FZR1: variants seen among roughly 807,000 people sequenced by gnomAD.
FZR1 encodes fizzy-related protein homolog.
FZR1 carries 11 observed loss-of-function variants against 63.6 expected under a neutral mutation model. The observed-to-expected ratio is 0.17, with a 90% CI of 0.11 to 0.29. FZR1 has a LOEUF of 0.29. Among genes scored for constraint, FZR1 ranks in the 10% least tolerant of loss-of-function variants. The pLI, the probability that FZR1 is intolerant of heterozygous loss-of-function variation, is 1.00. For missense variants in FZR1, 440 were observed against 687.5 expected (o/e 0.64, Z 4.03); for synonymous variants, 328 against 297.9 (o/e 1.10, Z -1.04).
rs958217742 is a variant in FZR1, at chr19:3,534,932, C to A, written c.*96C>A. 17 of 1,022,504 alleles carry A rather than the reference C, an allele frequency of 1.7e-5. No homozygotes were observed. The highest frequency in any genetic ancestry group is 2.4e-5 in the East Asian group (1 of 41,390). 63.3% of individuals were successfully genotyped at this position (1,022,504 alleles called of 1,614,324 possible). ...ACTCTGCCTTCCCAGCGCTTGTCCCCCGAGGAAGGCGGCTGGGCGGGCGGG... is the reference window on the plus strand; with the variant it reads ...ACTCTGCCTTCCCAGCGCTTGTCCCACGAGGAAGGCGGCTGGGCGGGCGGG... On this transcript the variant is annotated 3_prime_UTR_variant, in exon 14 of 14. Coordinates refer to ENST00000441788, the MANE Select transcript of FZR1 (RefSeq NM_016263.4).
intron 13 of FZR1, 126 bp downstream of exon 13, chr19:3,534,639 A>G: frequency 1.1e-6 from 1 of 904,702 alleles, no homozygotes; most frequent in Non-Finnish European, 1.8e-6. Context: ...CCTCACCTCA[A>G]ATTCTGGGTC....
At chr19:3,523,570 GC>G (rs1289157236) in intron 2 of FZR1, among the ~76,000 whole-genome samples, 2 of 152,372 alleles carry the variant, frequency 1.3e-5, no homozygotes, top group East Asian at 3.9e-4. Context: ...CCCGACTCCT[GC>G]GGGGGGCTGA....
chr19:3,531,866 C>G, intron 9 of FZR1, 45 bp from the exon 10 acceptor site: 1 of 1,556,270 alleles, frequency 6.4e-7, no homozygotes. Context: ...GCCCCAGCTC[C>G]GCGAGGGCAG....
rs1216200157 is a variant in FZR1 at position 3,515,804 on chromosome 19, G to T, written c.-34-7152G>T. On this transcript the variant is annotated intron_variant, in intron 1 of 13. Coordinates refer to ENST00000441788, the MANE Select transcript of FZR1 (RefSeq NM_016263.4). This position sits in a 1 kb window ranked among gnomAD's most constrained non-coding sequence, Gnocchi z 4.6. ...AAAAGGAATTCAAGAAGTACAAAAC[G>T]AGGTGCCAGGAGAAATAAGGCTTCT... Among the ~76,000 whole-genome samples the T allele has an allele frequency of 6.7e-6, 1 of 149,934 alleles. No homozygotes were observed. Among genetic ancestry groups the T allele is most frequent in the African/African-American group, 2.5e-5 (1 of 40,810 alleles).
At chr19:3,529,219 T>TGAGCGGATGGGA (rs1360627835) in intron 7 of FZR1, among the ~76,000 whole-genome samples, 1 of 110,116 alleles carries the variant, frequency 9.1e-6, no homozygotes, top group Non-Finnish European at 1.8e-5. Flanking sequence ...AGTGGATGGT[T>TGAGCGGATGGGA]GAGCGGATGG....
chr19:3,512,197 TC>T (rs1568229097), intron 1 of FZR1, among the ~76,000 whole-genome samples: 1 of 152,164 alleles, frequency 6.6e-6, no homozygotes, highest in African/African-American at 2.4e-5. Context: ...CAGGGAGCAG[TC>T]TGGGGACCTG....
intron 6 of FZR1, 99 bp downstream of exon 6, chr19:3,527,161 C>T: frequency 1.0e-6 from 1 of 968,056 alleles, no homozygotes; most frequent in Non-Finnish European, 1.7e-6. Context: ...CCCTGCGGGT[C>T]CTGGTGGGCG....
chr19:3,517,394 A>C lies in FZR1; in HGVS notation c.-34-5562A>C, dbSNP rs534321357. On this transcript the variant is annotated intron_variant, in intron 1 of 13. Coordinates refer to ENST00000441788, the MANE Select transcript of FZR1 (RefSeq NM_016263.4). Reference sequence around the variant, plus strand: ...GACAGAGTGAGACCCGGTCTCAAAAATAAAAATCCTGGCTGGGCGCTGTGG... The same window carrying C: ...GACAGAGTGAGACCCGGTCTCAAAACTAAAAATCCTGGCTGGGCGCTGTGG... Among the ~76,000 whole-genome samples the C allele has an allele frequency of 2.1e-4, 31 of 147,598 alleles. 1 individual carries two copies. In the South Asian group the frequency reaches 6.7e-3, roughly 32 times the overall value.
Position 3,528,700 on chromosome 19 carries a change from T to A in FZR1, c.654+886T>A, listed in dbSNP as rs1486508541. Among the ~76,000 whole-genome samples, 6 of 102,168 alleles carry A rather than the reference T, an allele frequency of 5.9e-5. 1 individual carries two copies. The highest frequency in any genetic ancestry group is 1.2e-4 in the Non-Finnish European group (6 of 48,790). The allele number at this position is 102,168 out of a possible 152,430, so 67.0% of individuals were successfully genotyped here. Reference sequence around the variant, plus strand: ...GTGGATGGGTGAGCGGATGAGAGAGTGGATGGGTGAGCAGATTAGGGAGTG... The same window carrying A: ...GTGGATGGGTGAGCGGATGAGAGAGAGGATGGGTGAGCAGATTAGGGAGTG... On this transcript the variant is annotated intron_variant, in intron 7 of 13. Transcript: ENST00000441788.
In FZR1 at chr19:3,533,399, G is replaced by A; in HGVS notation, c.1347+1G>A. The stretch of plus-strand genomic sequence containing the variant: ...GCACTCCTACCGCGTGCTGTACCTG[G>A]TGAGTTCACGCCAGGCACTTCAAGG... On this transcript the variant is annotated splice_donor_variant, in intron 12 of 13. Coordinates refer to ENST00000441788, the MANE Select transcript of FZR1 (RefSeq NM_016263.4). LOFTEE classifies it high-confidence loss of function. This position sits in a 1 kb window ranked among gnomAD's most constrained non-coding sequence, Gnocchi z 4.9. 6.3e-7 allele frequency: 1 copy of A among 1,592,712 alleles called. No individual in the cohort carries two copies. Among genetic ancestry groups the A allele is most frequent in the Non-Finnish European group, 8.6e-7 (1 of 1,161,452 alleles).
chr19:3,513,000 A>AG (rs1395382463), intron 1 of FZR1, among the ~76,000 whole-genome samples: 11 of 152,202 alleles, frequency 7.2e-5, no homozygotes, highest in African/African-American at 2.6e-4. Context: ...AGCCCCGCAG[A>AG]GGATGGCTGG....
Position 3,525,884 on chromosome 19 carries a change from G to C in FZR1, c.86G>C (p.Arg29Pro), listed in dbSNP as rs202131921. 23 of 1,611,822 alleles carry C rather than the reference G, an allele frequency of 1.4e-5. No homozygotes were observed. The South Asian group carries it at 2.5e-4, about 18-fold the overall frequency. ...NTMPRVTEMR[R>P]TLTPASSPVS... ...GCCCTTCAGGTCACAGAGATGCGGC[G>C]GACCCTGACGCCTGCCAGCTCCCCA... The change falls in exon 3 of 14, where the codon CGG (arginine) becomes CCG (proline). Residue 29 changes from arginine to proline, a missense_variant. By Grantham distance (103) the Arg-to-Pro change is moderately radical. Around this residue, in one of 5 missense-constraint regions of FZR1, gnomAD observed 200 missense variants for 245.1 expected, o/e 0.82. Coordinates refer to ENST00000441788, the MANE Select transcript of FZR1 (RefSeq NM_016263.4). This position sits in a 1 kb window ranked among gnomAD's most constrained non-coding sequence, Gnocchi z 4.2.
rs532089668 is a variant in FZR1, at chr19:3,526,643, AATGCTACCTGGGGTCCCGAACAC to A, written c.387+258_387+280del. Among the ~76,000 whole-genome samples the A allele has an allele frequency of 2.9e-3, 442 of 152,288 alleles. 2 individuals carry two copies. Among genetic ancestry groups the A allele is most frequent in the African/African-American group, 0.01 (420 of 41,562 alleles). ...CTGTTGGGCTTTTTCTCCCCACACC[AATGCTACCTGGGGTCCCGAACAC>A]CCAAGCCGGTGGGGGTCCTGCCCGT... On this transcript the variant is annotated intron_variant, in intron 5 of 13. Coordinates refer to ENST00000441788, the MANE Select transcript of FZR1 (RefSeq NM_016263.4). This position sits in a 1 kb window ranked among gnomAD's most constrained non-coding sequence, Gnocchi z 5.4.
chr19:3,521,283 A>G (rs1433165962), intron 1 of FZR1: 1 of 152,202 alleles, frequency 6.6e-6, no homozygotes, highest in African/African-American at 2.4e-5. Flanking sequence ...ATCACTTAAC[A>G]TTAGTAGCAG....
At chr19:3,518,308 G>C (rs1259381120) in intron 1 of FZR1, among the ~76,000 whole-genome samples, 1 of 152,068 alleles carries the variant, frequency 6.6e-6, no homozygotes, top group Non-Finnish European at 1.5e-5. Flanking sequence ...GTAGAAACGG[G>C]GTCTCGCCAT....
chr19:3,520,096 G>T (rs2083088405), intron 1 of FZR1, among the ~76,000 whole-genome samples: 1 of 152,204 alleles, frequency 6.6e-6, no homozygotes, highest in Non-Finnish European at 1.5e-5. Flanking sequence ...TCGGGAAATT[G>T]TCCCCCAGAG....
In FZR1 at chr19:3,537,776, C is replaced by CT. The variant is rs1224974525; in HGVS notation, c.*2940_*2941insT. On this transcript the variant is annotated 3_prime_UTR_variant, in exon 14 of 14. Coordinates refer to ENST00000441788, the MANE Select transcript of FZR1 (RefSeq NM_016263.4). ...GGGCATTGGAGATGATGAAACCGAG[C>CT]AGACCTGGCCCATGTGGAGCTGGCA... is the stretch of plus-strand genomic sequence containing the variant. 1 of 152,488 alleles carries CT rather than the reference C, an allele frequency of 6.6e-6. No individual in the cohort carries two copies. The highest frequency in any genetic ancestry group is 1.5e-5 in the Non-Finnish European group (1 of 68,312). The allele number at this position is 152,488 out of a possible 1,614,324, so 9.4% of individuals were successfully genotyped here. A position where few individuals can be genotyped will look rare whatever the true frequency, so the allele number is the denominator to read the frequency against.
intron 2 of FZR1, among the ~76,000 whole-genome samples, chr19:3,524,488 C>A (rs2083133067): frequency 6.6e-6 from 1 of 152,196 alleles, no homozygotes; most frequent in Non-Finnish European, 1.5e-5. Context: ...GAGAGACAGC[C>A]CTGGAACCCT....
chr19:3,534,444 C>T lies in FZR1; in HGVS notation c.1371C>T (p.Ala457=), dbSNP rs145110284. ...LYLAMSPDGE[A]IVTGAGDETL... ...AGGCAATGTCCCCTGATGGGGAGGC[C>T]ATCGTCACTGGTGCTGGAGACGAGA... is the stretch of plus-strand genomic sequence containing the variant. Residue 457 remains alanine, a synonymous_variant, in exon 13 of 14, where the codon GCC becomes GCT. Coordinates refer to ENST00000441788, the MANE Select transcript of FZR1 (RefSeq NM_016263.4). 125 of 1,606,690 alleles carry T rather than the reference C, an allele frequency of 7.8e-5. No homozygotes were observed. Among genetic ancestry groups the T allele is most frequent in the Middle Eastern group, 3.3e-4 (2 of 6,078 alleles).
Sources: gnomAD v4.1 joint callset for allele counts (sites outside exome capture counted in the v4.1 genomes callset) on GRCh38, gnomAD v4.1.1 for gene constraint, gnomAD v4.1.1 regional missense constraint, Gnocchi (gnomAD v3.1) non-coding constraint, MANE v1.5 for transcripts, NCBI Gene and HGNC (gene_info 2026-07-23, HGNC 2026-07-21) for gene names.